The following PRR16 variants were observed in gnomAD, a reference collection of about 807,000 sequenced individuals.
The protein encoded by PRR16 is protein Largen.
In PRR16, 6 loss-of-function variants were observed where a neutral mutation model predicts 18.2. The observed-to-expected ratio is 0.33, with a 90% confidence interval of 0.18 to 0.65. The LOEUF (loss-of-function observed/expected upper bound fraction) is 0.65, where lower values mean the gene tolerates loss of function less well. PRR16 is among the 30% of genes least tolerant of loss of function. The pLI, the probability that PRR16 is intolerant of heterozygous loss-of-function variation, is 0.74. For missense variants in PRR16, 412 were observed against 376.6 expected, an observed-to-expected ratio of 1.09 and a Z score of -0.78; for synonymous variants, 151 against 147.8, an observed-to-expected ratio of 1.02 and a Z score of -0.16.
At chr5:120,632,894 C>A (rs1178173017) in intron 1 of PRR16, among the ~76,000 whole-genome samples, 1 of 152,108 alleles carries the variant, frequency 6.6e-6, no homozygotes, top group Non-Finnish European at 1.5e-5. Flanking sequence ...CTGGGAAATT[C>A]ATTGTAAAAA....
the PRR16 span, among the ~76,000 whole-genome samples, chr5:120,775,288 C>T: frequency 5.9e-5 from 9 of 152,134 alleles, no homozygotes; most frequent in African/African-American, 2.2e-4. Context: ...ATAACCTCCT[C>T]TTTGTCCTCT....
At chr5:120,746,513 C>G in the PRR16 span, among the ~76,000 whole-genome samples, 4 of 152,180 alleles carry the variant, frequency 2.6e-5, no homozygotes, top group Non-Finnish European at 4.4e-5. Flanking sequence ...CCAATTTTGT[C>G]AATATTTTTC....
the PRR16 span, among the ~76,000 whole-genome samples, chr5:120,770,585 C>G: frequency 2.6e-4 from 40 of 151,890 alleles, no homozygotes; most frequent in Middle Eastern, 6.8e-3. Flanking sequence ...CTGTATCACA[C>G]TAAAAATGTT....
downstream of PRR16, among the ~76,000 whole-genome samples, chr5:120,687,986 G>C (rs1018960580): frequency 6.6e-6 from 1 of 152,152 alleles, no homozygotes; most frequent in African/African-American, 2.4e-5. Flanking sequence ...AAACAAAATT[G>C]GTTCATTAGT....
chr5:120,668,322 T>C (rs916288045), intron 1 of PRR16, among the ~76,000 whole-genome samples: 1 of 151,210 alleles, frequency 6.6e-6, no homozygotes, highest in African/African-American at 2.4e-5. Context: ...TCTTCCTCCA[T>C]CCTTTTATTT....
the PRR16 span, among the ~76,000 whole-genome samples, chr5:120,768,050 C>T: frequency 1.3e-5 from 2 of 151,750 alleles, no homozygotes; most frequent in African/African-American, 4.8e-5. Context: ...AGAAAGAAAC[C>T]TCATTGAAAG....
chr5:120,565,949 C>G (rs1364579517), intron 1 of PRR16, among the ~76,000 whole-genome samples: 7 of 152,180 alleles, frequency 4.6e-5, no homozygotes, highest in African/African-American at 1.4e-4. Context: ...TAGTGTCACA[C>G]AGATCACAAC....
chr5:120,710,344 C>T, the PRR16 span, among the ~76,000 whole-genome samples: 37 of 152,042 alleles, frequency 2.4e-4, no homozygotes, highest in Non-Finnish European at 3.8e-4. Context: ...GGGAGGATCT[C>T]GAAGTTGTTT....
At chr5:120,583,109 C>T (rs1255741895) in intron 1 of PRR16, among the ~76,000 whole-genome samples, 1 of 152,200 alleles carries the variant, frequency 6.6e-6, no homozygotes, top group Non-Finnish European at 1.5e-5. Flanking sequence ...GTTCCAAGAA[C>T]AACTGTCTCA....
rs5870916 is a variant in PRR16, at chr5:120,672,540, ATGTG to A, written c.160-13390_160-13387del. Reference sequence around the variant, plus strand: ...TTAATAATTTATGTTATAGATATATATGTGTGTGTGTGTGTGTGTGTGTGTGTAA... The same window carrying A: ...TTAATAATTTATGTTATAGATATATATGTGTGTGTGTGTGTGTGTGTGTAA... On this transcript the variant is annotated intron_variant, in intron 1 of 1. Transcript: ENST00000407149. Among the ~76,000 whole-genome samples the A allele has an allele frequency of 3.1e-3, 460 of 147,360 alleles. 2 individuals are homozygous for A. The highest frequency in any genetic ancestry group is 7.4e-3 in the African/African-American group (293 of 39,714).
At chr5:120,652,951 T>C (rs1755841382) in intron 1 of PRR16, among the ~76,000 whole-genome samples, 1 of 152,040 alleles carries the variant, frequency 6.6e-6, no homozygotes, top group Non-Finnish European at 1.5e-5. Flanking sequence ...AATCTAAAAA[T>C]GTTCTAAAAT....
At chr5:120,694,379 G>A in the PRR16 span, among the ~76,000 whole-genome samples, 2 of 152,232 alleles carry the variant, frequency 1.3e-5, no homozygotes, top group African/African-American at 2.4e-5. Context: ...TTAGAAAGTC[G>A]GCAAATGAGC....
intron 1 of PRR16, among the ~76,000 whole-genome samples, chr5:120,554,507 T>C (rs776248104): frequency 6.6e-6 from 1 of 151,810 alleles, no homozygotes. Flanking sequence ...AATTCAGGGA[T>C]AGGAAGAAAA....
intron 1 of PRR16, among the ~76,000 whole-genome samples, chr5:120,552,165 C>A (rs1752274916): frequency 6.6e-6 from 1 of 151,888 alleles, no homozygotes; most frequent in Admixed American, 6.6e-5. Context: ...GAAGTTCATA[C>A]TGAGTCAAGA....
chr5:120,685,195 TTGTGCCTGTGTGCCCACCAG>T (rs1303054538), intron 1 of PRR16, among the ~76,000 whole-genome samples: 3 of 152,170 alleles, frequency 2.0e-5, no homozygotes, highest in Non-Finnish European at 4.4e-5. Context: ...AAATGGGGTT[TTGTGCCTGTGTGCCCACCAG>T]GGGCTCTCTT....
chr5:120,634,090 C>A (rs976385997), intron 1 of PRR16, among the ~76,000 whole-genome samples: 1 of 152,036 alleles, frequency 6.6e-6, no homozygotes, highest in African/African-American at 2.4e-5. Flanking sequence ...TCTCAGATCA[C>A]GGTGAAATAA....
chr5:120,589,892 A>G (rs1182398711), intron 1 of PRR16, among the ~76,000 whole-genome samples: 1 of 152,136 alleles, frequency 6.6e-6, no homozygotes, highest in African/African-American at 2.4e-5. Flanking sequence ...AAAGGCCACA[A>G]GCTAAAGAGA....
chr5:120,685,372 T>C (rs1369475515), intron 1 of PRR16, among the ~76,000 whole-genome samples: 1 of 150,804 alleles, frequency 6.6e-6, no homozygotes, highest in Non-Finnish European at 1.5e-5. Flanking sequence ...AAGTTTTAGT[T>C]GCTTTCTTCA....
chr5:120,673,530 A>G (rs1245008469), intron 1 of PRR16, among the ~76,000 whole-genome samples: 1 of 152,240 alleles, frequency 6.6e-6, no homozygotes, highest in African/African-American at 2.4e-5. Context: ...TTTAAAGGCT[A>G]CAAGTGTCTG....
Sources: gnomAD v4.1 joint callset for allele counts (sites outside exome capture counted in the v4.1 genomes callset) on GRCh38, gnomAD v4.1.1 for gene constraint, MANE v1.5 for transcripts, NCBI Gene and HGNC (gene_info 2026-07-23, HGNC 2026-07-21) for gene names.